HELB: variants seen among roughly 807,000 people sequenced by gnomAD.
HELB encodes the protein DNA helicase B.
A neutral mutation model predicts 101.7 loss-of-function variants in HELB; 96 were observed. That is an observed-to-expected ratio of 0.94 (90% CI 0.80 to 1.12). HELB has a LOEUF of 1.12. Ranked by LOEUF, HELB falls within the 50% of genes most tolerant of loss-of-function variation. The pLI is 0.00. For synonymous variants in HELB, 437 were observed against 459.7 expected, an observed-to-expected ratio of 0.95 and a Z score of 0.63; for missense variants, 1,210 against 1,291.9, an observed-to-expected ratio of 0.94 and a Z score of 0.97.
At chr12:66,321,651 G>A (rs2053671962) in intron 7 of HELB, 1 of 290,052 alleles carries the variant, frequency 3.4e-6, no homozygotes, top group Admixed American at 5.0e-5. Flanking sequence ...CTTAAATTCA[G>A]TGTTCATAAA....
intron 3 of HELB, among the ~76,000 whole-genome samples, chr12:66,308,388 A>C (rs974632407): frequency 6.6e-6 from 1 of 152,200 alleles, no homozygotes; most frequent in Non-Finnish European, 1.5e-5. Context: ...ACAGAGAAGA[A>C]TCATACGTGG....
At chr12:66,326,966 G>A (rs1347765562) in intron 11 of HELB, among the ~76,000 whole-genome samples, 1 of 142,300 alleles carries the variant, frequency 7.0e-6, no homozygotes, top group South Asian at 2.3e-4. Flanking sequence ...ATCCTGGGAG[G>A]CAGAGGTTGC....
chr12:66,318,455 C>T (rs994963790), intron 6 of HELB, among the ~76,000 whole-genome samples, 183 bp from the exon 7 acceptor site: 4 of 152,030 alleles, frequency 2.6e-5, no homozygotes, highest in African/African-American at 9.7e-5. Context: ...ATGTGTAGTA[C>T]CATAAGTTTA....
At chr12:66,324,399 C>G in intron 10 of HELB, 188 bp downstream of exon 10, 1 of 544,830 alleles carries the variant, frequency 1.8e-6, no homozygotes, top group Non-Finnish European at 3.3e-6. Flanking sequence ...TCCTGTCTGG[C>G]TTTAATATCA....
Position 66,318,771 on chromosome 12 carries a change from T to C in HELB, c.2134T>C (p.Ser712Pro). The change falls in exon 7 of 13, where the codon TCT becomes CCT. Residue 712 changes from serine to proline, a missense_variant. Physicochemically the swap from Ser to Pro is moderately conservative, Grantham distance 74. Around this residue, in one of 2 missense-constraint regions of HELB, gnomAD observed 740 missense variants for 728.8 expected, o/e 1.02. Transcript: ENST00000247815. ...AGAAGAGGATGCCAGTTCTCAGTCA[T>C]CTAAAACTAATCATCACTCTTGTAA... ...LPEEDASSQS[S>P]KTNHHSCLYS... 2 of 1,607,402 alleles carry C rather than the reference T, an allele frequency of 1.2e-6. No individual in the cohort carries two copies. Among genetic ancestry groups the C allele is most frequent in the Non-Finnish European group, 1.7e-6 (2 of 1,178,056 alleles).
downstream of HELB, chr12:66,342,852 G>C: frequency 6.6e-6 from 1 of 150,962 alleles, no homozygotes; most frequent in South Asian, 2.1e-4. Flanking sequence ...TTGCCACCAC[G>C]CCTGGCTGAT....
rs2053416875 is a variant in HELB, at chr12:66,302,622, T to C, written c.19T>C (p.Tyr7His). MARSSP[Y>H]LRQLQGPLLP... ...GAGAAGCATGGCCAGGTCGAGTCCGTACCTGCGCCAACTTCAGGGACCTCT... is the reference window on the plus strand; with the variant it reads ...GAGAAGCATGGCCAGGTCGAGTCCGCACCTGCGCCAACTTCAGGGACCTCT... Residue 7 changes from tyrosine to histidine, a missense_variant, in exon 1 of 13, where the codon TAC (tyrosine) becomes CAC (histidine). Around this residue, in one of 2 missense-constraint regions of HELB, gnomAD observed 470 missense variants for 563.1 expected, o/e 0.83. Coordinates refer to ENST00000247815, the MANE Select transcript of HELB (RefSeq NM_001370285.1). 3 of 1,613,888 alleles carry C rather than the reference T, an allele frequency of 1.9e-6. No homozygotes were observed. The South Asian group carries it at 3.3e-5, about 18-fold the overall frequency.
At chr12:66,313,281 G>C (rs1253558965) in intron 4 of HELB, among the ~76,000 whole-genome samples, 1 of 152,118 alleles carries the variant, frequency 6.6e-6, no homozygotes, top group Non-Finnish European at 1.5e-5. Context: ...AAATGCTCCA[G>C]TGAGTGTTTC....
At chr12:66,330,806 C>T (rs2053797024) in intron 11 of HELB, among the ~76,000 whole-genome samples, 1 of 151,096 alleles carries the variant, frequency 6.6e-6, no homozygotes. Context: ...CATATTTTGC[C>T]ATTATATGTA....
intron 5 of HELB, 78 bp downstream of exon 5, chr12:66,314,241 G>A: frequency 2.4e-6 from 3 of 1,275,550 alleles, no homozygotes; most frequent in Non-Finnish European, 3.3e-6. Context: ...CCATTTAGTT[G>A]GTTGTTTACA....
chr12:66,318,693 C>G lies in HELB; in HGVS notation c.2056C>G (p.Pro686Ala). The G allele has an allele frequency of 6.2e-7, 1 of 1,607,812 alleles. No individual in the cohort carries two copies. The highest frequency in any genetic ancestry group is 8.5e-7 in the Non-Finnish European group (1 of 1,178,368). The change falls in exon 7 of 13, where the codon CCA becomes GCA. Residue 686 changes from proline (P) to alanine (A), a missense_variant. Physicochemically the swap from Pro to Ala is conservative, Grantham distance 27. Coordinates refer to ENST00000247815, the MANE Select transcript of HELB (RefSeq NM_001370285.1). ...FDAELNISDN[P>A]TLPISIQDKT... ...TGCAGAACTAAATATCTCTGATAAT[C>G]CAACATTACCCATCTCAATTCAAGA...
intron 12 of HELB, among the ~76,000 whole-genome samples, chr12:66,336,959 T>G (rs532514606): frequency 6.6e-6 from 1 of 152,252 alleles, no homozygotes; most frequent in Non-Finnish European, 1.5e-5. Context: ...CAAAAGATTA[T>G]TTCAGTAACC....
chr12:66,323,906 GAGTAGT>G, intron 9 of HELB, 71 bp from the exon 10 acceptor site: 1 of 887,358 alleles, frequency 1.1e-6, no homozygotes, highest in Non-Finnish European at 1.9e-6. Context: ...AAACGAGTCT[GAGTAGT>G]AGTTAATGTT....
chr12:66,318,667 A>T lies in HELB; in HGVS notation c.2030A>T (p.Asp677Val). 6.3e-7 allele frequency: 1 copy of T among 1,597,202 alleles called. No homozygotes were observed. Among genetic ancestry groups the T allele is most frequent in the Non-Finnish European group, 8.5e-7 (1 of 1,176,098 alleles). ...RISRRQFPKF[D>V]AELNISDNPT... Reference sequence around the variant, plus strand: ...TCAAGACGCCAATTTCCAAAATTTGATGCAGAACTAAATATCTCTGATAAT... The same window carrying T: ...TCAAGACGCCAATTTCCAAAATTTGTTGCAGAACTAAATATCTCTGATAAT... The change falls in exon 7 of 13, where the codon GAT becomes GTT. Residue 677 changes from aspartate to valine, a missense_variant. Coordinates refer to ENST00000247815, the MANE Select transcript of HELB (RefSeq NM_001370285.1).
intron 12 of HELB, among the ~76,000 whole-genome samples, chr12:66,336,404 A>G (rs1015440677): frequency 1.3e-5 from 2 of 152,226 alleles, no homozygotes; most frequent in African/African-American, 2.4e-5. Flanking sequence ...AAGAAAAAAA[A>G]AGGTGGGATT....
rs761924990 is a variant in HELB, at chr12:66,305,103, A to T, written c.560A>T (p.Glu187Val). 6 of 1,593,678 alleles carry T rather than the reference A, an allele frequency of 3.8e-6. No homozygotes were observed. The East Asian group carries it at 1.1e-4, about 30-fold the overall frequency. The change falls in exon 2 of 13, where the codon GAA becomes GTA. Residue 187 changes from glutamate (E) to valine (V), a missense_variant. Around this residue, in one of 2 missense-constraint regions of HELB, gnomAD observed 470 missense variants for 563.1 expected, o/e 0.83. Coordinates refer to ENST00000247815, the MANE Select transcript of HELB (RefSeq NM_001370285.1). The stretch of plus-strand genomic sequence containing the variant: ...AAGCAGCCTACACAGAATGGTCAGG[A>T]AGAGTTGTTCCTAGACAATGAGATG... Reference protein sequence around the residue: ...DQKQPTQNGQEELFLDNEMSL... With the variant: ...DQKQPTQNGQVELFLDNEMSL...
chr12:66,305,244 AAAAAT>A, intron 2 of HELB, 94 bp downstream of exon 2: 1 of 815,738 alleles, frequency 1.2e-6, no homozygotes, highest in Non-Finnish European at 1.9e-6. Context: ...TATTCTTTTT[AAAAAT>A]CCATTTGGTG....
At chr12:66,323,472 A>C (rs1027919314) in intron 9 of HELB, among the ~76,000 whole-genome samples, 1 of 152,204 alleles carries the variant, frequency 6.6e-6, no homozygotes, top group Non-Finnish European at 1.5e-5. Context: ...AAGTTGTAGT[A>C]AGAATGAAAT....
intron 1 of HELB, among the ~76,000 whole-genome samples, chr12:66,303,837 G>A (rs1049588382): frequency 9.9e-5 from 15 of 152,148 alleles, no homozygotes; most frequent in African/African-American, 3.4e-4. Flanking sequence ...ATATTTTAAT[G>A]TGCCGACCGG....
Sources: gnomAD v4.1 joint callset for allele counts (sites outside exome capture counted in the v4.1 genomes callset) on GRCh38, gnomAD v4.1.1 for gene constraint, gnomAD v4.1.1 regional missense constraint, MANE v1.5 for transcripts, NCBI Gene and HGNC (gene_info 2026-07-23, HGNC 2026-07-21) for gene names.